ZMAT4: variants seen among roughly 807,000 people sequenced by gnomAD.
The protein encoded by ZMAT4 is zinc finger matrin-type 4.
ZMAT4 carries 17 observed loss-of-function variants against 28.7 expected under a neutral mutation model. The ratio of observed to expected loss-of-function variants is 0.59; its 90% CI spans 0.41 to 0.89. The LOEUF (loss-of-function observed/expected upper bound fraction) is 0.89. Ranked by LOEUF, ZMAT4 falls within the 40% of genes least tolerant of loss-of-function variation. ZMAT4 has a pLI of 0.00. For missense variants in ZMAT4, 240 were observed against 283.8 expected, an observed-to-expected ratio of 0.85 and a Z score of 1.11; for synonymous variants, 117 against 109.2, an observed-to-expected ratio of 1.07 and a Z score of -0.44.
intron 5 of ZMAT4, among the ~76,000 whole-genome samples, chr8:40,606,586 T>G (rs956393393): frequency 1.3e-5 from 2 of 152,266 alleles, no homozygotes; most frequent in Non-Finnish European, 2.9e-5. Flanking sequence ...GGTTACCTGA[T>G]GTTTTTGCCT....
At chr8:40,750,961 AGGGCC>A (rs1420544403) in intron 3 of ZMAT4, among the ~76,000 whole-genome samples, 1 of 152,246 alleles carries the variant, frequency 6.6e-6, no homozygotes, top group African/African-American at 2.4e-5. Flanking sequence ...CTCATTTTCA[AGGGCC>A]CATTTAGTGT....
intron 3 of ZMAT4, among the ~76,000 whole-genome samples, chr8:40,739,768 G>C (rs1479389603): frequency 6.6e-6 from 1 of 152,054 alleles, no homozygotes; most frequent in Non-Finnish European, 1.5e-5. Flanking sequence ...CATGCATTAG[G>C]TGTTTGTCCT....
chr8:40,659,220 C>A (rs1484446170), intron 5 of ZMAT4, among the ~76,000 whole-genome samples: 1 of 152,102 alleles, frequency 6.6e-6, no homozygotes, highest in Non-Finnish European at 1.5e-5. Flanking sequence ...ATATAAAACT[C>A]CTAAGTGTGC....
At chr8:40,603,787 T>C (rs2262632) in intron 5 of ZMAT4, among the ~76,000 whole-genome samples, 116,719 of 151,950 alleles carry the variant, frequency 0.77, 45,018 homozygotes, top group East Asian at 0.97. Context: ...TGCCACCATG[T>C]CCAGCTAATT....
At chr8:40,540,184 G>T (rs1336695631) in intron 6 of ZMAT4, among the ~76,000 whole-genome samples, 1 of 152,166 alleles carries the variant, frequency 6.6e-6, no homozygotes, top group Non-Finnish European at 1.5e-5. Flanking sequence ...CACTGGGGTG[G>T]AGCCTCAGGA....
chr8:40,753,549 T>TA (rs1262928452), intron 3 of ZMAT4, among the ~76,000 whole-genome samples: 2 of 152,336 alleles, frequency 1.3e-5, no homozygotes, highest in African/African-American at 4.8e-5. Flanking sequence ...CCCCCACCAC[T>TA]ATCCTTGTAA....
At chr8:40,532,808 C>T (rs1802733056) in intron 6 of ZMAT4, among the ~76,000 whole-genome samples, 1 of 151,918 alleles carries the variant, frequency 6.6e-6, no homozygotes, top group Non-Finnish European at 1.5e-5. Flanking sequence ...CTATCCTGGC[C>T]AACATGGTGA....
At chr8:40,843,784 G>A (rs1265474646) in intron 1 of ZMAT4, among the ~76,000 whole-genome samples, 2 of 152,194 alleles carry the variant, frequency 1.3e-5, no homozygotes, top group African/African-American at 4.8e-5. Flanking sequence ...CATCCTGGTG[G>A]CATGAGATGG....
intron 1 of ZMAT4, among the ~76,000 whole-genome samples, chr8:40,881,592 A>AAG (rs1386199106): frequency 2.0e-5 from 2 of 99,162 alleles, no homozygotes; most frequent in African/African-American, 4.1e-5. Context: ...GAAAGAAAGA[A>AAG]AGAAAGAAAA....
intron 5 of ZMAT4, among the ~76,000 whole-genome samples, chr8:40,605,935 T>C (rs776947262): frequency 6.6e-6 from 1 of 152,244 alleles, no homozygotes; most frequent in Non-Finnish European, 1.5e-5. Flanking sequence ...TGTCCCTCTT[T>C]GTCTTTTTAA....
chr8:40,625,131 A>G (rs147579795), intron 5 of ZMAT4, among the ~76,000 whole-genome samples: 186 of 152,262 alleles, frequency 1.2e-3, no homozygotes, highest in African/African-American at 4.4e-3. Context: ...CCAAGCACTG[A>G]GACTAACAAA....
At chr8:40,692,882 A>AT (rs1410582514) in intron 4 of ZMAT4, among the ~76,000 whole-genome samples, 4 of 152,300 alleles carry the variant, frequency 2.6e-5, no homozygotes, top group South Asian at 4.1e-4. Flanking sequence ...TGGATTTATC[A>AT]TAAAAAAAAA....
At chr8:40,843,073 G>A (rs971955268) in intron 1 of ZMAT4, among the ~76,000 whole-genome samples, 7 of 152,120 alleles carry the variant, frequency 4.6e-5, no homozygotes, top group Admixed American at 1.3e-4. Context: ...CACTGTCCCC[G>A]GCCTAAAACA....
intron 6 of ZMAT4, among the ~76,000 whole-genome samples, chr8:40,537,675 A>G (rs769246102): frequency 1.3e-5 from 2 of 152,198 alleles, no homozygotes; most frequent in Non-Finnish European, 2.9e-5. Context: ...TACACTATTC[A>G]TTTGCTTTGC....
chr8:40,887,231 G>A (rs188660785), intron 1 of ZMAT4, among the ~76,000 whole-genome samples: 4 of 147,968 alleles, frequency 2.7e-5, no homozygotes, highest in Admixed American at 2.1e-4. Flanking sequence ...CTGTAATCCT[G>A]TAATCCCAAC....
chr8:40,828,303 T>C (rs2150615109), intron 1 of ZMAT4, among the ~76,000 whole-genome samples: 1 of 152,236 alleles, frequency 6.6e-6, no homozygotes, highest in East Asian at 1.9e-4. Flanking sequence ...TGGTTGTGTT[T>C]AAATATTATC....
At chr8:40,781,730 C>G (rs1813835444) in intron 2 of ZMAT4, among the ~76,000 whole-genome samples, 1 of 124,464 alleles carries the variant, frequency 8.0e-6, no homozygotes, top group Admixed American at 9.9e-5. Flanking sequence ...CCACTGCACT[C>G]CAGCCTGGGC....
intron 3 of ZMAT4, among the ~76,000 whole-genome samples, chr8:40,756,624 AGTGTGTGTGTGTGTGTGTGTGTGTGT>A (rs58686349): frequency 3.6e-5 from 5 of 139,502 alleles, no homozygotes; most frequent in Non-Finnish European, 6.1e-5. Flanking sequence ...TATGTTTGTA[AGTGTGTGTGTGTGTGTGTGTGTGTGT>A]GTGTGTGTGT....
intron 1 of ZMAT4, among the ~76,000 whole-genome samples, chr8:40,860,826 G>A (rs1195863064): frequency 6.6e-6 from 1 of 152,176 alleles, no homozygotes; most frequent in African/African-American, 2.4e-5. Flanking sequence ...AGAGCTACAT[G>A]CAGTGCAATC....
Sources: gnomAD v4.1 joint callset for allele counts (sites outside exome capture counted in the v4.1 genomes callset) on GRCh38, gnomAD v4.1.1 for gene constraint, MANE v1.5 for transcripts, NCBI Gene and HGNC (gene_info 2026-07-23, HGNC 2026-07-21) for gene names.